Variants in NDST4 observed in about 807,000 individuals in gnomAD.
NDST4 encodes the protein N-deacetylase and N-sulfotransferase 4.
NDST4 carries 63 observed loss-of-function variants against 100.8 expected under a neutral mutation model. That is an observed-to-expected ratio of 0.62 (90% confidence interval 0.51 to 0.77). NDST4 has a LOEUF of 0.77. Ranked by LOEUF, NDST4 falls within the 30% of genes least tolerant of loss-of-function variation. The probability of loss-of-function intolerance (pLI) is 0.00; values close to 1 mark genes in which losing one functional copy is unlikely to be tolerated. For synonymous variants in NDST4, 377 were observed against 361.8 expected (o/e 1.04, Z -0.48); for missense variants, 943 against 1,018.4 (o/e 0.93, Z 1.01).
At chr4:114,841,116 A>G (rs1723414779) in intron 10 of NDST4, among the ~76,000 whole-genome samples, 1 of 152,128 alleles carries the variant, frequency 6.6e-6, no homozygotes, top group African/African-American at 2.4e-5. Flanking sequence ...ACTGTGCTTA[A>G]TCTGTTCTAT....
At chr4:115,100,030 T>C (rs1392045152) in intron 1 of NDST4, among the ~76,000 whole-genome samples, 1 of 152,066 alleles carries the variant, frequency 6.6e-6, no homozygotes, top group Non-Finnish European at 1.5e-5. Context: ...GAACATAAAA[T>C]GCATATTAGT....
At chr4:114,944,493 T>C (rs1301506560) in intron 4 of NDST4, among the ~76,000 whole-genome samples, 1 of 152,174 alleles carries the variant, frequency 6.6e-6, no homozygotes, top group African/African-American at 2.4e-5. Flanking sequence ...CCCTACTTAT[T>C]CCTTTGTAAA....
At chr4:114,952,691 T>A (rs1726043183) in intron 4 of NDST4, among the ~76,000 whole-genome samples, 1 of 152,156 alleles carries the variant, frequency 6.6e-6, no homozygotes, top group Admixed American at 6.6e-5. Flanking sequence ...ACTGCTAGAA[T>A]AAGCCAGTTA....
At position 114,839,401 on chromosome 4, in the gene NDST4, G is replaced by C; in HGVS notation, c.2263C>G (p.Leu755Val). 1.9e-6 allele frequency: 3 copies of C among 1,611,738 alleles called. No individual in the cohort carries two copies. The highest frequency in any genetic ancestry group is 2.5e-6 in the Non-Finnish European group (3 of 1,178,600). ...ACCTGAGAAGTAGCAAAGTAAGTTA[G>C]CCATCTTTCTATGTGGACTGCATAC... Reference protein sequence around the residue: ...GWYAVHIERWLTYFATSQLLI... With the variant: ...GWYAVHIERWVTYFATSQLLI... Residue 755 changes from leucine (L) to valine (V), a missense_variant, in exon 11 of 14, where the codon CTA (leucine) becomes GTA (valine). Leu to Val is a conservative substitution (Grantham distance 32, BLOSUM62 1). Transcript: ENST00000264363.
intron 2 of NDST4, among the ~76,000 whole-genome samples, chr4:115,068,173 T>A (rs1728992618): frequency 6.6e-6 from 1 of 152,136 alleles, no homozygotes; most frequent in African/African-American, 2.4e-5. Context: ...ATCTTTGTTT[T>A]CATCATCAAA....
intron 7 of NDST4, among the ~76,000 whole-genome samples, chr4:114,863,969 G>A (rs1723971838): frequency 6.6e-6 from 1 of 152,178 alleles, no homozygotes; most frequent in South Asian, 2.1e-4. Context: ...AACATAGATT[G>A]AAAGAATATC....
At position 115,034,178 on chromosome 4, in the gene NDST4, T is replaced by A. The variant is rs546505031; in HGVS notation, c.978+41881A>T. Among the ~76,000 whole-genome samples, 10 of 152,148 alleles carry A rather than the reference T, an allele frequency of 6.6e-5. No homozygotes were observed. The East Asian group carries it at 1.4e-3, about 21-fold the overall frequency. ...TAGCAGGTTCACATTTCCTGCTGGC[T>A]CAAAAAAATATTCAAACATGTTAAT... On this transcript the variant is annotated intron_variant, in intron 2 of 13. Transcript: ENST00000264363.
At chr4:114,928,903 C>T (rs1175181272) in intron 6 of NDST4, among the ~76,000 whole-genome samples, 1 of 152,130 alleles carries the variant, frequency 6.6e-6, no homozygotes, top group African/African-American at 2.4e-5. Flanking sequence ...ACTATACCAT[C>T]AGTTTTCCTG....
rs1051429283 is a variant in NDST4 at position 114,969,620 on chromosome 4, T to C, written c.1221+810A>G. 2.6e-5 allele frequency among the ~76,000 whole-genome samples: 4 copies of C among 152,200 alleles called. No individual in the cohort carries two copies. In the South Asian group the frequency reaches 8.3e-4, roughly 31 times the overall value. On this transcript the variant is annotated intron_variant, in intron 4 of 13. Coordinates refer to ENST00000264363, the MANE Select transcript of NDST4 (RefSeq NM_022569.3). ...CTTAGGATTATGGCCTCTAGCCCCA[T>C]CCATGTTGCTGCAAAGGACATAATC...
At position 114,929,101 on chromosome 4, in the gene NDST4, CATCCATCCATCCATCT is replaced by C. The variant is rs1422691539; in HGVS notation, c.1536+6089_1536+6104del. Among the ~76,000 whole-genome samples, 730 of 129,340 alleles carry C rather than the reference CATCCATCCATCCATCT, an allele frequency of 5.6e-3. 2 individuals carry two copies. The highest frequency in any genetic ancestry group is 8.4e-3 in the South Asian group (35 of 4,160). The allele number at this position is 129,340 out of a possible 152,430, so 84.9% of individuals were successfully genotyped here. On this transcript the variant is annotated intron_variant, in intron 6 of 13. Transcript: ENST00000264363. ...CCATCCATCCATCCATCCATCCATC[CATCCATCCATCCATCT>C]ATCTATCTATCTATCTATCTATCTA...
intron 1 of NDST4, among the ~76,000 whole-genome samples, chr4:115,094,679 G>C (rs1729585695): frequency 6.6e-6 from 1 of 152,112 alleles, no homozygotes; most frequent in South Asian, 2.1e-4. Flanking sequence ...GGTGTAATTA[G>C]TTAAGGTGAG....
rs1168664741 is a variant in NDST4 at position 115,010,104 on chromosome 4, C to T, written c.979-32830G>A. On this transcript the variant is annotated intron_variant, in intron 2 of 13. Transcript: ENST00000264363. Reference sequence around the variant, plus strand: ...CTGTTGGTGGGACTGTAAACTAGTTCGACCATTGTGGAAGTCAGTGTGGCA... The same window carrying T: ...CTGTTGGTGGGACTGTAAACTAGTTTGACCATTGTGGAAGTCAGTGTGGCA... Among the ~76,000 whole-genome samples, 6 of 124,268 alleles carry T rather than the reference C, an allele frequency of 4.8e-5. 2 individuals are homozygous for T. The highest frequency in any genetic ancestry group is 1.6e-4 in the African/African-American group (5 of 32,252). The allele number at this position is 124,268 out of a possible 152,430, so 81.5% of individuals were successfully genotyped here. A position where few individuals can be genotyped will look rare whatever the true frequency, so the allele number is the denominator to read the frequency against.
rs144091320 is a variant in NDST4, at chr4:114,937,421, G to A, written c.1304C>T (p.Ala435Val). 1.4e-5 allele frequency: 23 copies of A among 1,613,786 alleles called. No individual in the cohort carries two copies. In the African/African-American group the frequency reaches 1.9e-4, roughly 13 times the overall value. The change falls in exon 5 of 14, where the codon GCA (alanine) becomes GTA (valine). Residue 435 changes from alanine to valine, a missense_variant. This residue lies in a region of NDST4 where 526 missense variants were observed against 634.1 expected (regional missense o/e 0.83). Coordinates refer to ENST00000264363, the MANE Select transcript of NDST4 (RefSeq NM_022569.3). ...GVYPVHIQLY[A>V]AWKKVWGIQV... ...AATACCCCAGACCTTCTTCCAAGCT[G>A]CATACAGCTGAATGTGAACCGGGTA... is the stretch of plus-strand genomic sequence containing the variant.
intron 7 of NDST4, among the ~76,000 whole-genome samples, chr4:114,855,231 G>T (rs1302683493): frequency 6.6e-6 from 1 of 151,860 alleles, no homozygotes; most frequent in Non-Finnish European, 1.5e-5. Context: ...CAATCTTTGG[G>T]TTGTCTCTAA....
intron 2 of NDST4, among the ~76,000 whole-genome samples, chr4:115,030,787 C>T (rs1314926583): frequency 6.6e-6 from 1 of 151,992 alleles, no homozygotes; most frequent in African/African-American, 2.4e-5. Context: ...AAAGGAAGAA[C>T]ACGTTACTGG....
chr4:114,902,824 T>C (rs1478443802), intron 6 of NDST4, among the ~76,000 whole-genome samples: 2 of 151,976 alleles, frequency 1.3e-5, no homozygotes, highest in Admixed American at 6.6e-5. Context: ...AGCTCAGAGA[T>C]TTTCCCCTTA....
intron 6 of NDST4, among the ~76,000 whole-genome samples, chr4:114,877,095 C>T (rs987485076): frequency 6.7e-6 from 1 of 149,842 alleles, no homozygotes; most frequent in Non-Finnish European, 1.5e-5. Context: ...CACGCGTGCA[C>T]GCGCGCAAGC....
chr4:115,087,792 A>C (rs1729437716), intron 1 of NDST4, among the ~76,000 whole-genome samples: 1 of 151,954 alleles, frequency 6.6e-6, no homozygotes. Flanking sequence ...TCTGTAACTT[A>C]TCAGCAAGGA....
rs141820011 is a variant in NDST4 at position 115,034,138 on chromosome 4, C to G, written c.978+41921G>C. On this transcript the variant is annotated intron_variant, in intron 2 of 13. Coordinates refer to ENST00000264363, the MANE Select transcript of NDST4 (RefSeq NM_022569.3). ...TTATGGGGACCACACTCGGATCCTG[C>G]TTATTCTTGAGTAGTAGCAGGTTCA... Among the ~76,000 whole-genome samples the G allele has an allele frequency of 8.5e-3, 1,289 of 152,228 alleles. 10 individuals are homozygous for G. The highest frequency in any genetic ancestry group is 0.018 in the African/African-American group (742 of 41,542).
Sources: gnomAD v4.1 joint callset for allele counts (sites outside exome capture counted in the v4.1 genomes callset) on GRCh38, gnomAD v4.1.1 for gene constraint, gnomAD v4.1.1 regional missense constraint, MANE v1.5 for transcripts, NCBI Gene and HGNC (gene_info 2026-07-23, HGNC 2026-07-21) for gene names.